The following CCSER1 variants were observed in gnomAD, a reference collection of about 807,000 sequenced individuals.
CCSER1 encodes serine-rich coiled-coil domain-containing protein 1.
A neutral mutation model predicts 82.0 loss-of-function variants in CCSER1; 41 were observed. The ratio of observed to expected loss-of-function variants is 0.50; its 90% confidence interval spans 0.39 to 0.65. CCSER1 has a LOEUF of 0.65. Among genes scored for constraint, CCSER1 ranks in the 30% least tolerant of loss-of-function variants. The pLI is 0.00. For synonymous variants in CCSER1, 414 were observed against 383.9 expected, an observed-to-expected ratio of 1.08 and a Z score of -0.92; for missense variants, 1,119 against 1,064.2, an observed-to-expected ratio of 1.05 and a Z score of -0.72.
chr4:91,175,077 G>A (rs983098068), intron 10 of CCSER1, among the ~76,000 whole-genome samples: 3 of 152,018 alleles, frequency 2.0e-5, no homozygotes, highest in African/African-American at 2.4e-5. Flanking sequence ...GTGGTGTTTG[G>A]TTTTCTGTCC....
At position 91,176,575 on chromosome 4, in the gene CCSER1, G is replaced by A. The variant is rs567545475; in HGVS notation, c.2217+90581G>A. On this transcript the variant is annotated intron_variant, in intron 10 of 10. Coordinates refer to ENST00000509176, the MANE Select transcript of CCSER1 (RefSeq NM_001145065.2). The stretch of plus-strand genomic sequence containing the variant: ...GATTCCTAGGTATTTTATTCTCTTT[G>A]AAGCAATTGTGAAAGGGAGTTCACT... 2.0e-5 allele frequency among the ~76,000 whole-genome samples: 3 copies of A among 152,162 alleles called. No individual in the cohort carries two copies. The South Asian group carries it at 6.2e-4, about 32-fold the overall frequency.
intron 4 of CCSER1, among the ~76,000 whole-genome samples, chr4:90,441,903 A>T (rs1022628848): frequency 5.3e-5 from 8 of 152,214 alleles, no homozygotes; most frequent in African/African-American, 1.9e-4. Flanking sequence ...TAAGTTTTGG[A>T]TAGTTGCCCT....
At chr4:90,256,282 A>G (rs1723271505) in intron 1 of CCSER1, among the ~76,000 whole-genome samples, 1 of 152,168 alleles carries the variant, frequency 6.6e-6, no homozygotes, top group Non-Finnish European at 1.5e-5. Flanking sequence ...TAATATAAAC[A>G]TGATTAAGAT....
intron 1 of CCSER1, among the ~76,000 whole-genome samples, chr4:90,158,439 G>A (rs187079659): frequency 4.6e-5 from 7 of 152,346 alleles, no homozygotes; most frequent in Admixed American, 1.3e-4. Context: ...GTCTGCAGAG[G>A]TTACTGCTGT....
chr4:90,891,630 A>G (rs1722983788), intron 8 of CCSER1, among the ~76,000 whole-genome samples: 1 of 152,024 alleles, frequency 6.6e-6, no homozygotes, highest in Admixed American at 6.6e-5. Flanking sequence ...CCAATGTATC[A>G]AAATACTTTT....
chr4:90,354,173 A>T (rs1298556887), intron 3 of CCSER1, among the ~76,000 whole-genome samples: 1 of 152,194 alleles, frequency 6.6e-6, no homozygotes, highest in East Asian at 1.9e-4. Flanking sequence ...AGAACATTAT[A>T]CTAACTGAAA....
chr4:90,301,532 AATCTT>A (rs1733109684), intron 1 of CCSER1, among the ~76,000 whole-genome samples: 2 of 152,180 alleles, frequency 1.3e-5, no homozygotes, highest in African/African-American at 2.4e-5. Context: ...TCTTCAAGTT[AATCTT>A]ATCTTTTGTT....
intron 7 of CCSER1, among the ~76,000 whole-genome samples, chr4:90,811,463 G>A (rs1055213094): frequency 6.6e-6 from 1 of 152,060 alleles, no homozygotes; most frequent in Non-Finnish European, 1.5e-5. Flanking sequence ...AATCTCTCTG[G>A]CAAATAAGGA....
intron 6 of CCSER1, among the ~76,000 whole-genome samples, chr4:90,644,209 A>G (rs1466529716): frequency 6.6e-6 from 1 of 152,172 alleles, no homozygotes. Context: ...ATTTGCGTAT[A>G]TGTAATGAGA....
intron 9 of CCSER1, among the ~76,000 whole-genome samples, chr4:91,066,982 G>A (rs1720886635): frequency 6.6e-6 from 1 of 151,962 alleles, no homozygotes; most frequent in African/African-American, 2.4e-5. Flanking sequence ...TGGCTAACAC[G>A]GTGAAACCCT....
intron 6 of CCSER1, among the ~76,000 whole-genome samples, chr4:90,638,458 C>T (rs969836429): frequency 6.6e-6 from 1 of 152,046 alleles, no homozygotes; most frequent in African/African-American, 2.4e-5. Flanking sequence ...TTAGTATTGT[C>T]AGTTCTTATA....
intron 3 of CCSER1, among the ~76,000 whole-genome samples, chr4:90,388,710 A>G (rs1216922535): frequency 6.6e-6 from 1 of 151,958 alleles, no homozygotes; most frequent in African/African-American, 2.4e-5. Context: ...ATCTTGGCTC[A>G]CTGCAACCTC....
chr4:90,416,780 A>C (rs1272239581), intron 4 of CCSER1, among the ~76,000 whole-genome samples: 1 of 152,244 alleles, frequency 6.6e-6, no homozygotes, highest in African/African-American at 2.4e-5. Context: ...GTGATAATTT[A>C]CTAGTACTAA....
At chr4:90,674,783 A>G in intron 6 of CCSER1, among the ~76,000 whole-genome samples, 1 of 151,676 alleles carries the variant, frequency 6.6e-6, no homozygotes, top group East Asian at 1.9e-4. Flanking sequence ...AAATGTGCAC[A>G]TTTTCTGCAC....
chr4:90,490,772 A>G (rs993082769), intron 5 of CCSER1, among the ~76,000 whole-genome samples: 1 of 152,118 alleles, frequency 6.6e-6, no homozygotes, highest in African/African-American at 2.4e-5. Context: ...CATTTTTTAA[A>G]TAGGGAATCC....
intron 4 of CCSER1, among the ~76,000 whole-genome samples, chr4:90,417,436 G>T (rs1293499830): frequency 1.3e-5 from 2 of 151,712 alleles, no homozygotes; most frequent in Non-Finnish European, 2.9e-5. Flanking sequence ...TTGTATTAAG[G>T]TTGATATTTA....
chr4:91,194,309 A>G (rs944589483), intron 10 of CCSER1, among the ~76,000 whole-genome samples: 1 of 152,204 alleles, frequency 6.6e-6, no homozygotes, highest in African/African-American at 2.4e-5. Flanking sequence ...TACAGTACAT[A>G]TTAAAATTAA....
chr4:90,276,285 TCC>T (rs1200852909), intron 1 of CCSER1, among the ~76,000 whole-genome samples: 6 of 133,222 alleles, frequency 4.5e-5, no homozygotes, highest in Non-Finnish European at 6.3e-5. Context: ...CTTCCTTCCT[TCC>T]TTCCTTCCTT....
chr4:90,195,736 T>C lies in CCSER1; in HGVS notation c.-42+67905T>C, dbSNP rs532412196. Among the ~76,000 whole-genome samples, 8 of 152,272 alleles carry C rather than the reference T, an allele frequency of 5.3e-5. No individual in the cohort carries two copies. The South Asian group carries it at 1.7e-3, about 32-fold the overall frequency. ...CTAAAAAATAAAATCTGTTAAAAAT[T>C]AATTATCATGTCAACAAAGAGATAA... On this transcript the variant is annotated intron_variant, in intron 1 of 10. Coordinates refer to ENST00000509176, the MANE Select transcript of CCSER1 (RefSeq NM_001145065.2).
Sources: gnomAD v4.1 joint callset for allele counts (sites outside exome capture counted in the v4.1 genomes callset) on GRCh38, gnomAD v4.1.1 for gene constraint, MANE v1.5 for transcripts, NCBI Gene and HGNC (gene_info 2026-07-23, HGNC 2026-07-21) for gene names.